The following CACNA1A variants were observed in gnomAD, a reference collection of about 807,000 sequenced individuals.
CACNA1A encodes the protein calcium voltage-gated channel subunit alpha1 A.
In CACNA1A, 57 loss-of-function variants were observed where a neutral mutation model predicts 262.4. The ratio of observed to expected loss-of-function variants is 0.22; its 90% CI spans 0.18 to 0.27. The LOEUF (loss-of-function observed/expected upper bound fraction) is 0.27. CACNA1A is among the 10% of genes least tolerant of loss of function. CACNA1A has a pLI of 1.00. For synonymous variants in CACNA1A, 1,431 were observed against 1,419.3 expected, an observed-to-expected ratio of 1.01 and a Z score of -0.18; for missense variants, 2,526 against 3,562.8, an observed-to-expected ratio of 0.71 and a Z score of 7.41.
intron 10 of CACNA1A, among the ~76,000 whole-genome samples, chr19:13,324,059 A>G (rs1003078633): frequency 6.6e-5 from 10 of 152,254 alleles, no homozygotes; most frequent in African/African-American, 2.4e-4. Flanking sequence ...ATACAGCCCT[A>G]AAAGAAAGAA....
At position 13,207,838 on chromosome 19, in the gene CACNA1A, C is replaced by T. The variant is rs2054621774; in HGVS notation, c.6996G>A (p.Arg2332=). The T allele has an allele frequency of 1.4e-6, 2 of 1,466,596 alleles. No homozygotes were observed. The highest frequency in any genetic ancestry group is 1.5e-5 in the African/African-American group (1 of 67,116). The allele number at this position is 1,466,596 out of a possible 1,614,324, so 90.8% of individuals were successfully genotyped here. A position where few individuals can be genotyped will look rare whatever the true frequency, so the allele number is the denominator to read the frequency against. Residue 2332 remains arginine, a synonymous_variant, in exon 47 of 47, where the codon CGG becomes CGA. Transcript: ENST00000360228. The surrounding 1 kb of genome is among the most constrained non-coding windows in gnomAD (Gnocchi z 5.7). ...QQQQAVARPG[R]AATSGPRRYP... ...ACCTCCGAGGGCCGCTGGTGGCCGC[C>T]CGGCCCGGCCTGGCCACCGCCTGCT...
chr19:13,385,226 C>CTTTTTTTTTTTTTT (rs200379554), intron 3 of CACNA1A, among the ~76,000 whole-genome samples: 1 of 137,560 alleles, frequency 7.3e-6, no homozygotes, highest in African/African-American at 2.8e-5. Context: ...TCTATTCTTT[C>CTTTTTTTTTTTTTT]TTTCTTTTTT....
chr19:13,473,879 G>A (rs1978302447), intron 1 of CACNA1A, among the ~76,000 whole-genome samples: 1 of 151,838 alleles, frequency 6.6e-6, no homozygotes, highest in Non-Finnish European at 1.5e-5. Context: ...CTGAGCTGTT[G>A]CATTAGCAAC....
At chr19:13,361,633 A>G (rs1385602402) in intron 5 of CACNA1A, among the ~76,000 whole-genome samples, 1 of 152,182 alleles carries the variant, frequency 6.6e-6, no homozygotes, top group African/African-American at 2.4e-5. Flanking sequence ...AAATAAACCA[A>G]TGCTGAATGA....
chr19:13,278,213 G>A (rs2057197684), intron 22 of CACNA1A, among the ~76,000 whole-genome samples: 1 of 151,902 alleles, frequency 6.6e-6, no homozygotes, highest in African/African-American at 2.4e-5. Flanking sequence ...ACAATCCTCC[G>A]TGGCTCCCAC....
chr19:13,269,400 A>G (rs2056958457), intron 24 of CACNA1A, among the ~76,000 whole-genome samples: 1 of 152,086 alleles, frequency 6.6e-6, no homozygotes, highest in South Asian at 2.1e-4. Flanking sequence ...GGTATCTCGC[A>G]CTCTAATCTT....
chr19:13,372,589 T>G (rs1599310088), intron 3 of CACNA1A, among the ~76,000 whole-genome samples: 2 of 152,342 alleles, frequency 1.3e-5, no homozygotes, highest in South Asian at 2.1e-4. Flanking sequence ...GCAAGGGACA[T>G]CCCTGCTCTG....
chr19:13,499,459 G>GCCCCCCCCC, intron 1 of CACNA1A, among the ~76,000 whole-genome samples: 1 of 128,700 alleles, frequency 7.8e-6, no homozygotes, highest in African/African-American at 3.2e-5. Context: ...GTGGGGGGGG[G>GCCCCCCCCC]CACTTCGCTC....
chr19:13,255,721 TTC>T (rs1310969830), intron 28 of CACNA1A, among the ~76,000 whole-genome samples: 1 of 51,644 alleles, frequency 1.9e-5, no homozygotes, highest in East Asian at 7.4e-4. Flanking sequence ...CCCTCCCTCC[TTC>T]TCTCCCTCCC....
At chr19:13,379,041 T>G (rs1403553534) in intron 3 of CACNA1A, among the ~76,000 whole-genome samples, 1 of 151,190 alleles carries the variant, frequency 6.6e-6, no homozygotes, top group Non-Finnish European at 1.5e-5. Flanking sequence ...AGTGCAGTGG[T>G]GTGATCACAG....
At chr19:13,348,380 G>T (rs2058832542) in intron 6 of CACNA1A, among the ~76,000 whole-genome samples, 1 of 151,454 alleles carries the variant, frequency 6.6e-6, no homozygotes, top group African/African-American at 2.4e-5. Flanking sequence ...TGGAGAAAGA[G>T]AAGGAAGAGA....
At chr19:13,487,309 A>G (rs1472757121) in intron 1 of CACNA1A, among the ~76,000 whole-genome samples, 2 of 152,178 alleles carry the variant, frequency 1.3e-5, no homozygotes, top group African/African-American at 4.8e-5. Flanking sequence ...CAGAGGGGGA[A>G]ACAGGTGGGG....
chr19:13,449,061 G>A (rs1170031689), intron 3 of CACNA1A, among the ~76,000 whole-genome samples: 1 of 151,480 alleles, frequency 6.6e-6, no homozygotes, highest in Non-Finnish European at 1.5e-5. Flanking sequence ...CGACCTCCTG[G>A]GCTCACGTGA....
intron 3 of CACNA1A, among the ~76,000 whole-genome samples, chr19:13,382,668 C>T (rs1002060974): frequency 6.6e-6 from 1 of 152,116 alleles, no homozygotes; most frequent in Admixed American, 6.5e-5. Context: ...ACAAGCCTGA[C>T]AGCTGAAAGG....
chr19:13,265,111 G>A (rs921556682), intron 24 of CACNA1A, among the ~76,000 whole-genome samples: 1 of 152,134 alleles, frequency 6.6e-6, no homozygotes, highest in Non-Finnish European at 1.5e-5. Flanking sequence ...CCGACCTCAA[G>A]TAATCCACTG....
In CACNA1A at chr19:13,464,765, G is replaced by A. The variant is rs60117769; in HGVS notation, c.294-9553C>T. Reference sequence around the variant, plus strand: ...GGGTTTCACCGTGTTAGCCAGGGTGGTCTCGATCTCCTGACCTTGTGATCT... The same window carrying A: ...GGGTTTCACCGTGTTAGCCAGGGTGATCTCGATCTCCTGACCTTGTGATCT... On this transcript the variant is annotated intron_variant, in intron 1 of 46. Coordinates refer to ENST00000360228, the MANE Select transcript of CACNA1A (RefSeq NM_001127222.2). Among the ~76,000 whole-genome samples, 16 of 151,586 alleles carry A rather than the reference G, an allele frequency of 1.1e-4. No individual in the cohort carries two copies. In the East Asian group the frequency reaches 1.6e-3, roughly 15 times the overall value.
At chr19:13,425,400 C>T (rs950264242) in intron 3 of CACNA1A, among the ~76,000 whole-genome samples, 5 of 152,074 alleles carry the variant, frequency 3.3e-5, no homozygotes, top group African/African-American at 1.2e-4. Context: ...GTCCAGGGTA[C>T]ACACGTGTTA....
Position 13,298,937 on chromosome 19 carries a change from C to T in CACNA1A, c.2696G>A (p.Arg899His), listed in dbSNP as rs1290079536. The T allele has an allele frequency of 4.4e-6, 7 of 1,593,262 alleles. No individual in the cohort carries two copies. Among genetic ancestry groups the T allele is most frequent in the East Asian group, 2.2e-5 (1 of 44,638 alleles). The change falls in exon 19 of 47, where the codon CGC (arginine) becomes CAC (histidine). Residue 899 changes from arginine (R) to histidine (H), a missense_variant. This residue lies in a region of CACNA1A where 765 missense variants were observed against 748.6 expected (regional missense o/e 1.02). Coordinates refer to ENST00000360228, the MANE Select transcript of CACNA1A (RefSeq NM_001127222.2). ...CTCCCGGGCGTGGTGGTCCGACTCG[C>T]GGCCGTAGGGTCCCTCCCGGCTCAG... is the stretch of plus-strand genomic sequence containing the variant. ...AELSREGPYG[R>H]ESDHHAREGS...
At chr19:13,228,602 A>ATATATATATATATATATATAT (rs2055556071) in intron 36 of CACNA1A, 1 of 227,000 alleles carries the variant, frequency 4.4e-6, no homozygotes, top group Non-Finnish European at 8.0e-6. Flanking sequence ...AGAGAGAGAG[A>ATATATATATATATATATATAT]GAGATATATA....
Sources: allele counts gnomAD v4.1 joint callset (sites outside exome capture counted in the v4.1 genomes callset), GRCh38; gene constraint gnomAD v4.1.1; regional missense constraint gnomAD v4.1.1; non-coding constraint Gnocchi (gnomAD v3.1); transcripts MANE v1.5; gene names NCBI Gene and HGNC (gene_info 2026-07-23, HGNC 2026-07-21).